Variants in NAA15 observed in about 807,000 individuals in gnomAD.
The protein encoded by NAA15 is N-alpha-acetyltransferase 15, NatA auxiliary subunit.
In NAA15, 34 loss-of-function variants were observed where a neutral mutation model predicts 114.0. The ratio of observed to expected loss-of-function variants is 0.30; its 90% CI spans 0.23 to 0.40. NAA15 has a LOEUF of 0.40. Among genes scored for constraint, NAA15 ranks in the 10% least tolerant of loss-of-function variants. NAA15 has a pLI of 1.00. For synonymous variants in NAA15, 340 were observed against 338.0 expected, an observed-to-expected ratio of 1.01 and a Z score of -0.06; for missense variants, 658 against 1,004.5, an observed-to-expected ratio of 0.66 and a Z score of 4.66.
At chr4:139,357,920 G>A (rs181166253) in intron 11 of NAA15, among the ~76,000 whole-genome samples, 2 of 152,138 alleles carry the variant, frequency 1.3e-5, no homozygotes, top group African/African-American at 4.8e-5. Flanking sequence ...TCAGTATCTG[G>A]CAATGTTATT....
intron 15 of NAA15, among the ~76,000 whole-genome samples, chr4:139,374,766 A>G (rs1250379519): frequency 1.3e-5 from 2 of 152,188 alleles, no homozygotes; most frequent in Non-Finnish European, 2.9e-5. Flanking sequence ...AGTCTTACCT[A>G]TGAGAAGTAA....
At chr4:139,371,926 G>A (rs985674020) in intron 15 of NAA15, among the ~76,000 whole-genome samples, 1 of 151,782 alleles carries the variant, frequency 6.6e-6, no homozygotes, top group African/African-American at 2.4e-5. Flanking sequence ...TTGTTTGTTT[G>A]TTTGTTTGAG....
chr4:139,313,104 A>T (rs1462182981), intron 1 of NAA15, among the ~76,000 whole-genome samples: 2 of 151,916 alleles, frequency 1.3e-5, no homozygotes, highest in African/African-American at 4.8e-5. Context: ...CCTGAGTGGC[A>T]TCTGTAAGAG....
intron 17 of NAA15, among the ~76,000 whole-genome samples, chr4:139,381,077 T>C (rs1748740033): frequency 6.6e-6 from 1 of 152,178 alleles, no homozygotes; most frequent in Admixed American, 6.5e-5. Flanking sequence ...GAAGCTTTGC[T>C]GAGTGAATAT....
At chr4:139,303,193 A>G (rs1197375258) in intron 1 of NAA15, among the ~76,000 whole-genome samples, 3 of 152,188 alleles carry the variant, frequency 2.0e-5, no homozygotes, top group African/African-American at 7.2e-5. Context: ...TGAAATTCTT[A>G]CTGGAATTTT....
At chr4:139,354,124 A>G (rs374488078) in intron 10 of NAA15, 26 bp downstream of exon 10, 1 of 1,570,932 alleles carries the variant, frequency 6.4e-7, no homozygotes, top group Non-Finnish European at 8.7e-7. Context: ...TTATGTTTTA[A>G]AAACATCTTG....
intron 7 of NAA15, 100 bp downstream of exon 7, chr4:139,349,681 A>AT: frequency 4.7e-6 from 6 of 1,270,938 alleles, no homozygotes; most frequent in Non-Finnish European, 6.4e-6. Flanking sequence ...GTGGTTAAGA[A>AT]TTGGTTCGAA....
rs11454836 is a variant in NAA15 at position 139,305,539 on chromosome 4, GT to G, written c.54+3723del. Among the ~76,000 whole-genome samples the G allele has an allele frequency of 8.7e-3, 1,183 of 135,442 alleles. 12 individuals carry two copies. The highest frequency in any genetic ancestry group is 0.027 in the African/African-American group (993 of 37,018). 88.9% of individuals were successfully genotyped at this position (135,442 alleles called of 152,430 possible). A position where few individuals can be genotyped will look rare whatever the true frequency, so the allele number is the denominator to read the frequency against. On this transcript the variant is annotated intron_variant, in intron 1 of 19. Transcript: ENST00000296543. ...AGTGTTGCTAGGTTGGTAACTTGTT[GT>G]TTTTTTTTTTTTTTGAGACGGAGTT...
intron 1 of NAA15, among the ~76,000 whole-genome samples, chr4:139,315,041 G>GTTTAGTTTAGTTTAGT (rs1560952979): frequency 1.1e-4 from 11 of 96,594 alleles, no homozygotes; most frequent in African/African-American, 2.5e-4. Flanking sequence ...GTTAGGTTAG[G>GTTTAGTTTAGTTTAGT]TTAGGTTAGG....
In NAA15 at chr4:139,370,367, G is replaced by A; in HGVS notation, c.1910G>A (p.Gly637Asp). ...KKDDDDEEIG[G>D]PKEELIPEKL... ...GATGATGATGATGAGGAGATAGGAG[G>A]TCCAAAAGAAGAACTTATTCCAGAG... The change falls in exon 15 of 20, where the codon GGT (glycine) becomes GAT (aspartate). Residue 637 changes from glycine (G) to aspartate (D), a missense_variant. By Grantham distance (94) the Gly-to-Asp change is moderately conservative. This residue lies in a region of NAA15 where 275 missense variants were observed against 371.1 expected (regional missense o/e 0.74). Coordinates refer to ENST00000296543, the MANE Select transcript of NAA15 (RefSeq NM_057175.5). 1 of 1,580,974 alleles carries A rather than the reference G, an allele frequency of 6.3e-7. No homozygotes were observed. The highest frequency in any genetic ancestry group is 8.5e-7 in the Non-Finnish European group (1 of 1,170,424).
At chr4:139,329,342 T>TTATGG (rs1458608539) in intron 1 of NAA15, among the ~76,000 whole-genome samples, 2 of 152,236 alleles carry the variant, frequency 1.3e-5, no homozygotes, top group East Asian at 3.8e-4. Flanking sequence ...TTTCTCCTGG[T>TTATGG]TATGGATCAT....
chr4:139,330,865 A>T (rs761028200), intron 1 of NAA15, among the ~76,000 whole-genome samples: 1 of 152,154 alleles, frequency 6.6e-6, no homozygotes, highest in Admixed American at 6.5e-5. Flanking sequence ...AAGCAACTCT[A>T]GTTTGCTGTA....
chr4:139,386,010 A>G lies in NAA15; in HGVS notation c.2303-123A>G, dbSNP rs1255741507. ...AACAGTATCTCAAGTAGCTGTTCCC[A>G]TTCTTCTAATAAAGTGCCACACCCT... On this transcript the variant is annotated intron_variant, in intron 18 of 19. Coordinates refer to ENST00000296543, the MANE Select transcript of NAA15 (RefSeq NM_057175.5). 9.5e-6 allele frequency: 5 copies of G among 527,232 alleles called. No homozygotes were observed. In the East Asian group the frequency reaches 1.5e-4, roughly 16 times the overall value. 32.7% of individuals were successfully genotyped at this position (527,232 alleles called of 1,614,324 possible). A position where few individuals can be genotyped will look rare whatever the true frequency, so the allele number is the denominator to read the frequency against.
At chr4:139,361,520 A>G (rs1436936489) in intron 13 of NAA15, among the ~76,000 whole-genome samples, 2 of 152,202 alleles carry the variant, frequency 1.3e-5, no homozygotes, top group Non-Finnish European at 2.9e-5. Flanking sequence ...TGCCTGCAGT[A>G]TGCCATATCC....
At chr4:139,343,480 TTTAATC>T (rs1173327128) in intron 5 of NAA15, among the ~76,000 whole-genome samples, 1 of 152,118 alleles carries the variant, frequency 6.6e-6, no homozygotes, top group Non-Finnish European at 1.5e-5. Flanking sequence ...TTCAGCCTCT[TTTAATC>T]TGAAACAGTT....
intron 1 of NAA15, among the ~76,000 whole-genome samples, chr4:139,331,614 C>A (rs562950245): frequency 2.8e-5 from 4 of 140,672 alleles, no homozygotes; most frequent in Admixed American, 2.1e-4. Flanking sequence ...TCATGCCCGG[C>A]TAATTTTTTT....
intron 1 of NAA15, among the ~76,000 whole-genome samples, chr4:139,323,053 CTTTTTTT>C (rs67137305): frequency 2.3e-4 from 27 of 117,486 alleles, no homozygotes; most frequent in Admixed American, 2.7e-4. Context: ...CTTTTCTTTT[CTTTTTTT>C]TTTTTTTTTT....
At chr4:139,307,590 C>G (rs527287398) in intron 1 of NAA15, among the ~76,000 whole-genome samples, 2 of 152,306 alleles carry the variant, frequency 1.3e-5, no homozygotes, top group Admixed American at 6.5e-5. Context: ...TTATTGCACA[C>G]TTGAAATATG....
chr4:139,377,910 G>T (rs540238606), intron 16 of NAA15, among the ~76,000 whole-genome samples: 1 of 152,294 alleles, frequency 6.6e-6, no homozygotes, highest in Admixed American at 6.5e-5. Flanking sequence ...TTAAAGTAGG[G>T]AAGGGCAATC....
Sources: allele counts gnomAD v4.1 joint callset (sites outside exome capture counted in the v4.1 genomes callset), GRCh38; gene constraint gnomAD v4.1.1; regional missense constraint gnomAD v4.1.1; transcripts MANE v1.5; gene names NCBI Gene and HGNC (gene_info 2026-07-23, HGNC 2026-07-21).